Variants in MBP observed in about 807,000 individuals in gnomAD.
MBP encodes Golli-MBP.
In MBP, 16 loss-of-function variants were observed where a neutral mutation model predicts 35.8. The observed-to-expected ratio is 0.45, with a 90% CI of 0.30 to 0.68. MBP has a LOEUF of 0.68. MBP is among the 30% of genes least tolerant of loss of function. The pLI is 0.08. For synonymous variants in MBP, 143 were observed against 159.6 expected, an observed-to-expected ratio of 0.90 and a Z score of 0.78; for missense variants, 380 against 404.7, an observed-to-expected ratio of 0.94 and a Z score of 0.52.
chr18:77,047,808 T>C (rs1973317864), intron 3 of MBP, among the ~76,000 whole-genome samples: 1 of 152,252 alleles, frequency 6.6e-6, no homozygotes, highest in Non-Finnish European at 1.5e-5. Flanking sequence ...ATATATTTAA[T>C]ATTTAATTCC....
chr18:76,984,999 G>A (rs112073110), intron 7 of MBP, 105 bp from the exon 8 acceptor site: 8 of 1,548,762 alleles, frequency 5.2e-6, no homozygotes, highest in African/African-American at 1.4e-5. Context: ...CCCAGGCCCC[G>A]GACTGGACTG....
chr18:77,066,149 A>T, intron 3 of MBP, 149 bp downstream of exon 3: 1 of 640,780 alleles, frequency 1.6e-6, no homozygotes. Flanking sequence ...GACATGAAGC[A>T]ATGATCCCAG....
At chr18:77,092,337 C>T (rs1975566089) in intron 2 of MBP, among the ~76,000 whole-genome samples, 1 of 152,208 alleles carries the variant, frequency 6.6e-6, no homozygotes, top group Non-Finnish European at 1.5e-5. Flanking sequence ...AATGCGCTCC[C>T]CACCCCAGGA....
chr18:77,011,630 C>G (rs546274284), intron 4 of MBP, among the ~76,000 whole-genome samples: 1 of 152,186 alleles, frequency 6.6e-6, no homozygotes, highest in Non-Finnish European at 1.5e-5. Context: ...AGGACAAATG[C>G]AAGGGCCAGA....
intron 3 of MBP, among the ~76,000 whole-genome samples, chr18:77,038,463 C>T (rs572750452): frequency 3.3e-5 from 5 of 152,300 alleles, no homozygotes; most frequent in Non-Finnish European, 5.9e-5. Context: ...CTCAACAGCA[C>T]GCTGGCAGTA....
In MBP at chr18:77,131,867, G is replaced by T. The variant is rs894414329; in HGVS notation, c.-26+713C>A. Among the ~76,000 whole-genome samples, 1 of 152,058 alleles carries T rather than the reference G, an allele frequency of 6.6e-6. No individual in the cohort carries two copies. Among genetic ancestry groups the T allele is most frequent in the African/African-American group, 2.4e-5 (1 of 41,432 alleles). On this transcript the variant is annotated intron_variant, in intron 1 of 8. Coordinates refer to ENST00000355994, the MANE Select transcript of MBP (RefSeq NM_001025101.2). The surrounding 1 kb of genome is among the most constrained non-coding windows in gnomAD (Gnocchi z 5.5). Reference sequence around the variant, plus strand: ...CGGCGGGCGGCTGCGGGCGGCGCACGTGGGCCCAGGTGGGCGCAGCGACGG... The same window carrying T: ...CGGCGGGCGGCTGCGGGCGGCGCACTTGGGCCCAGGTGGGCGCAGCGACGG...
chr18:77,066,177 T>C, intron 3 of MBP, 121 bp downstream of exon 3: 1 of 700,024 alleles, frequency 1.4e-6, no homozygotes, highest in Admixed American at 2.6e-5. Flanking sequence ...GTTTTAGTAA[T>C]GAGTACAGAC....
At chr18:77,073,495 G>A (rs1245634947) in intron 2 of MBP, among the ~76,000 whole-genome samples, 1 of 152,224 alleles carries the variant, frequency 6.6e-6, no homozygotes, top group Non-Finnish European at 1.5e-5. Flanking sequence ...GGCCCAGGTG[G>A]CTGTCTGCAT....
rs1209162139 is a variant in MBP at position 77,091,884 on chromosome 18, GCA to G, written c.51+13325_51+13326del. Among the ~76,000 whole-genome samples the G allele has an allele frequency of 5.3e-5, 8 of 152,030 alleles. No individual in the cohort carries two copies. The East Asian group carries it at 7.7e-4, about 15-fold the overall frequency. ...GTACACACGTGCACATACCACATATGCACAGTTACAAACACAGAGATATAATT... is the reference window on the plus strand; with the variant it reads ...GTACACACGTGCACATACCACATATGCAGTTACAAACACAGAGATATAATT... On this transcript the variant is annotated intron_variant, in intron 2 of 8. Transcript: ENST00000355994.
intron 4 of MBP, among the ~76,000 whole-genome samples, chr18:77,007,374 G>A (rs1190968615): frequency 2.0e-5 from 3 of 152,304 alleles, no homozygotes; most frequent in East Asian, 1.9e-4. Context: ...TCGGGCAGGG[G>A]CACCCCTGGG....
intron 3 of MBP, among the ~76,000 whole-genome samples, chr18:77,038,460 G>T (rs1314150716): frequency 2.0e-5 from 3 of 152,186 alleles, no homozygotes; most frequent in African/African-American, 7.2e-5. Context: ...TTACTCAACA[G>T]CACGCTGGCA....
chr18:77,066,471 A>AATTTTTTAT (rs1322700486), intron 2 of MBP, 86 bp from the exon 3 acceptor site: 3 of 898,286 alleles, frequency 3.3e-6, no homozygotes, highest in Non-Finnish European at 5.6e-6. Context: ...TCTCTTTATA[A>AATTTTTTAT]ATTTTTTATC....
chr18:77,057,890 G>A (rs1447375760), intron 3 of MBP, among the ~76,000 whole-genome samples: 2 of 13,234 alleles, frequency 1.5e-4, no homozygotes, highest in Non-Finnish European at 2.2e-4. Flanking sequence ...GCAGTGGTGC[G>A]ATCTCGGCTC....
At chr18:77,041,370 C>T (rs1260275568) in intron 3 of MBP, among the ~76,000 whole-genome samples, 4 of 152,092 alleles carry the variant, frequency 2.6e-5, no homozygotes, top group South Asian at 2.1e-4. Context: ...GTCAGTGTGG[C>T]GATTCCTCAG....
chr18:77,042,627 T>C (rs780397743), intron 3 of MBP, among the ~76,000 whole-genome samples: 4 of 152,130 alleles, frequency 2.6e-5, no homozygotes, highest in Non-Finnish European at 5.9e-5. Context: ...TTTTAGGTCT[T>C]TTCTTGGGGA....
chr18:77,047,598 TA>T (rs1267236208), intron 3 of MBP, among the ~76,000 whole-genome samples: 2 of 152,206 alleles, frequency 1.3e-5, no homozygotes, highest in Admixed American at 1.3e-4. Context: ...TAAAAACCGT[TA>T]ATGTGTACAC....
intron 2 of MBP, among the ~76,000 whole-genome samples, chr18:77,080,805 TC>T (rs1974864253): frequency 1.3e-5 from 2 of 152,272 alleles, no homozygotes; most frequent in Admixed American, 6.5e-5. Flanking sequence ...TGCCTCAGCC[TC>T]CCGAGTAGCT....
intron 3 of MBP, among the ~76,000 whole-genome samples, chr18:77,062,385 T>C (rs1974017570): frequency 6.6e-6 from 1 of 152,120 alleles, no homozygotes; most frequent in Non-Finnish European, 1.5e-5. Flanking sequence ...ACTGGTCTAC[T>C]GAAAAATGGC....
chr18:77,101,658 C>G lies in MBP; in HGVS notation c.51+3553G>C, dbSNP rs564308758. ...TAACACTGCAACTCCAGAAAAGTGT[C>G]TTTTTTTCACCAATCAGAGACATTC... On this transcript the variant is annotated intron_variant, in intron 2 of 8. Coordinates refer to ENST00000355994, the MANE Select transcript of MBP (RefSeq NM_001025101.2). The surrounding 1 kb of genome is among the most constrained non-coding windows in gnomAD (Gnocchi z 4.3). 3.3e-4 allele frequency among the ~76,000 whole-genome samples: 50 copies of G among 152,300 alleles called. No homozygotes were observed. Among genetic ancestry groups the G allele is most frequent in the African/African-American group, 1.2e-3 (49 of 41,556 alleles).
Sources: allele counts gnomAD v4.1 joint callset (sites outside exome capture counted in the v4.1 genomes callset), GRCh38; gene constraint gnomAD v4.1.1; non-coding constraint Gnocchi (gnomAD v3.1); transcripts MANE v1.5; gene names NCBI Gene and HGNC (gene_info 2026-07-23, HGNC 2026-07-21).